Variants in MYCBP2 observed in about 807,000 individuals in gnomAD.
MYCBP2 encodes the protein MYC binding protein 2.
Under a neutral mutation model 525.3 loss-of-function variants are expected in MYCBP2, and 120 were observed. That is an observed-to-expected ratio of 0.23 (90% confidence interval 0.20 to 0.27). The LOEUF (loss-of-function observed/expected upper bound fraction) is 0.27. Among genes scored for constraint, MYCBP2 ranks in the 10% least tolerant of loss-of-function variants. MYCBP2 has a pLI of 1.00. For synonymous variants in MYCBP2, 1,894 were observed against 1,955.8 expected, an observed-to-expected ratio of 0.97 and a Z score of 0.83; for missense variants, 4,149 against 5,657.1, an observed-to-expected ratio of 0.73 and a Z score of 8.55.
intron 55 of MYCBP2, among the ~76,000 whole-genome samples, chr13:77,111,351 TAGATA>T (rs1424857076): frequency 2.6e-5 from 4 of 152,110 alleles, no homozygotes; most frequent in Non-Finnish European, 2.9e-5. Context: ...TTCTTGGTAC[TAGATA>T]AGATATTACC....
chr13:77,130,343 CATT>C (rs1190719815), intron 52 of MYCBP2, among the ~76,000 whole-genome samples: 2 of 151,074 alleles, frequency 1.3e-5, no homozygotes, highest in East Asian at 1.9e-4. Context: ...AAACTTTTCT[CATT>C]ATCTCATTTT....
chr13:77,156,979 T>C (rs1349541709), intron 45 of MYCBP2, among the ~76,000 whole-genome samples: 2 of 152,248 alleles, frequency 1.3e-5, no homozygotes, highest in Non-Finnish European at 2.9e-5. Flanking sequence ...GTTGGGATTT[T>C]TTTTTTACTA....
At chr13:77,202,421 G>C (rs966949804) in intron 26 of MYCBP2, among the ~76,000 whole-genome samples, 2 of 152,182 alleles carry the variant, frequency 1.3e-5, no homozygotes, top group Non-Finnish European at 2.9e-5. Context: ...CAACCAAAAA[G>C]AGTCCAGGAC....
At chr13:77,169,260 G>A (rs1204214162) in intron 39 of MYCBP2, among the ~76,000 whole-genome samples, 5 of 152,022 alleles carry the variant, frequency 3.3e-5, no homozygotes, top group African/African-American at 1.2e-4. Context: ...GCCGGGCGCA[G>A]TGGCGGGCGC....
At chr13:77,087,166 G>A (rs1293542811) in intron 62 of MYCBP2, among the ~76,000 whole-genome samples, 1 of 152,044 alleles carries the variant, frequency 6.6e-6, no homozygotes, top group East Asian at 1.9e-4. Flanking sequence ...GAGTGACTGG[G>A]AATAAGATAA....
At chr13:77,303,018 C>G (rs1395212105) in intron 1 of MYCBP2, among the ~76,000 whole-genome samples, 1 of 152,198 alleles carries the variant, frequency 6.6e-6, no homozygotes, top group Non-Finnish European at 1.5e-5. Flanking sequence ...ACCAAAACAG[C>G]ACTGACATAG....
At chr13:77,064,839 T>A in intron 72 of MYCBP2, 105 bp from the exon 73 acceptor site, 1 of 1,114,200 alleles carries the variant, frequency 9.0e-7, no homozygotes, top group Non-Finnish European at 1.2e-6. Context: ...TATTTGTTTT[T>A]AGTGAGACCA....
chr13:77,134,229 G>A (rs920009946), intron 52 of MYCBP2, among the ~76,000 whole-genome samples: 1 of 151,998 alleles, frequency 6.6e-6, no homozygotes, highest in Non-Finnish European at 1.5e-5. Context: ...TGGAAAGCAT[G>A]TTCTCAGCCG....
rs1595078611 is a variant in MYCBP2 at position 77,168,369 on chromosome 13, T to C, written c.6114+59A>G. 2.9e-6 allele frequency: 4 copies of C among 1,392,962 alleles called. No individual in the cohort carries two copies. In the South Asian group the frequency reaches 3.6e-5, roughly 13 times the overall value. 86.3% of individuals were successfully genotyped at this position (1,392,962 alleles called of 1,614,324 possible). ...TACAGGCCAGGCATTCTTTAAGATATCATCAGAGAACCTCATGCCAAGTTT... is the reference window on the plus strand; with the variant it reads ...TACAGGCCAGGCATTCTTTAAGATACCATCAGAGAACCTCATGCCAAGTTT... On this transcript the variant is annotated intron_variant, in intron 40 of 82. Coordinates refer to ENST00000544440, the MANE Select transcript of MYCBP2 (RefSeq NM_015057.5).
intron 15 of MYCBP2, among the ~76,000 whole-genome samples, chr13:77,246,831 A>G (rs2070112549): frequency 6.6e-6 from 1 of 152,198 alleles, no homozygotes; most frequent in South Asian, 2.1e-4. Context: ...AAATCAATCC[A>G]TGTAATGTAA....
chr13:77,321,756 C>T (rs1447648935), intron 1 of MYCBP2, among the ~76,000 whole-genome samples: 4 of 152,210 alleles, frequency 2.6e-5, no homozygotes, highest in African/African-American at 9.7e-5. Context: ...TCATTTAACA[C>T]TTCTATAAGT....
At chr13:77,307,047 G>A (rs955423755) in intron 1 of MYCBP2, among the ~76,000 whole-genome samples, 21 of 152,222 alleles carry the variant, frequency 1.4e-4, no homozygotes, top group Admixed American at 8.5e-4. Context: ...AAGTGTACAG[G>A]ACACAGCTGA....
intron 73 of MYCBP2, 95 bp downstream of exon 73, chr13:77,064,520 C>A: frequency 7.6e-7 from 1 of 1,307,898 alleles, no homozygotes; most frequent in South Asian, 1.6e-5. Flanking sequence ...ATTATGTTGA[C>A]TTAGTGATTA....
intron 33 of MYCBP2, 86 bp from the exon 34 acceptor site, chr13:77,180,404 C>A (rs1019629554): frequency 1.7e-6 from 2 of 1,160,372 alleles, no homozygotes; most frequent in Non-Finnish European, 2.5e-6. Context: ...CTTTCTGATA[C>A]TCTTAAAATT....
chr13:77,256,776 T>C (rs926939720), intron 14 of MYCBP2, among the ~76,000 whole-genome samples: 1 of 152,088 alleles, frequency 6.6e-6, no homozygotes, highest in Non-Finnish European at 1.5e-5. Flanking sequence ...TGTACACTGT[T>C]AGTGAGAATG....
intron 15 of MYCBP2, among the ~76,000 whole-genome samples, chr13:77,249,161 T>C (rs908049121): frequency 4.6e-5 from 7 of 152,170 alleles, no homozygotes; most frequent in Admixed American, 1.3e-4. Flanking sequence ...GTCTCAGTTT[T>C]ACAAGATGAA....
chr13:77,051,877 T>G lies in MYCBP2; in HGVS notation c.13689A>C (p.Gly4563=), dbSNP rs1297580997. ...CTCTGGGATCATAATCATCTCCCCG[T>G]CCAGCCTCAGCATCGCAGCGAGCTT... ...GGEARCDAEA[G]RGDDYDPREL... is the part of the protein sequence containing the mutation. The change falls in exon 81 of 83, where the codon GGA becomes GGC. Residue 4563 remains glycine, a synonymous_variant. Transcript: ENST00000544440. 4.3e-6 allele frequency: 7 copies of G among 1,614,004 alleles called. No homozygotes were observed. The highest frequency in any genetic ancestry group is 4.2e-6 in the Non-Finnish European group (5 of 1,180,038).
chr13:77,085,999 AG>A (rs1336788032), intron 62 of MYCBP2, among the ~76,000 whole-genome samples: 3 of 152,076 alleles, frequency 2.0e-5, no homozygotes, highest in Non-Finnish European at 4.4e-5. Flanking sequence ...ACTTTTTTTA[AG>A]GTTACAGTAT....
chr13:77,131,345 C>T (rs369419146), intron 52 of MYCBP2, among the ~76,000 whole-genome samples: 1 of 151,964 alleles, frequency 6.6e-6, no homozygotes, highest in East Asian at 1.9e-4. Flanking sequence ...AGAGAGACCT[C>T]GTCTCTACAA....
Sources: allele counts gnomAD v4.1 joint callset (sites outside exome capture counted in the v4.1 genomes callset), GRCh38; gene constraint gnomAD v4.1.1; transcripts MANE v1.5; gene names NCBI Gene and HGNC (gene_info 2026-07-23, HGNC 2026-07-21).